BNC2: variants seen among roughly 807,000 people sequenced by gnomAD.
BNC2 encodes the protein zinc finger protein basonuclin-2.
Under a neutral mutation model 76.3 loss-of-function variants are expected in BNC2, and 20 were observed. The observed-to-expected ratio is 0.26, with a 90% CI of 0.18 to 0.38. The LOEUF (loss-of-function observed/expected upper bound fraction) is 0.38, where lower values mean the gene tolerates loss of function less well. Among genes scored for constraint, BNC2 ranks in the 10% least tolerant of loss-of-function variants. The probability of loss-of-function intolerance (pLI) is 1.00; values close to 1 mark genes in which losing one functional copy is unlikely to be tolerated. For synonymous variants in BNC2, 582 were observed against 514.8 expected, an observed-to-expected ratio of 1.13 and a Z score of -1.77; for missense variants, 1,382 against 1,399.8, an observed-to-expected ratio of 0.99 and a Z score of 0.20.
At chr9:16,494,438 A>C (rs1822342863) in intron 5 of BNC2, among the ~76,000 whole-genome samples, 1 of 152,128 alleles carries the variant, frequency 6.6e-6, no homozygotes, top group African/African-American at 2.4e-5. Context: ...GGCATGAGCC[A>C]CCGAGCCCAG....
intron 1 of BNC2, among the ~76,000 whole-genome samples, chr9:16,743,773 C>G (rs185640674): frequency 6.6e-6 from 1 of 152,334 alleles, no homozygotes; most frequent in East Asian, 1.9e-4. Flanking sequence ...GCCAGATGGA[C>G]TGGCTCCTTT....
rs1294966311 is a variant in BNC2 at position 16,415,843 on chromosome 9, G to GT, written c.*3145dup. 2.0e-5 allele frequency: 3 copies of GT among 152,150 alleles called. No individual in the cohort carries two copies. Among genetic ancestry groups the GT allele is most frequent in the Non-Finnish European group, 2.9e-5 (2 of 68,036 alleles). 9.4% of individuals were successfully genotyped at this position (152,150 alleles called of 1,614,324 possible). The stretch of plus-strand genomic sequence containing the variant: ...TTATTTACTCATTTAGAAGGCCACC[G>GT]TAACGACTGGGCACTTGAGGCACAA... On this transcript the variant is annotated 3_prime_UTR_variant, in exon 7 of 7. Coordinates refer to ENST00000380672, the MANE Select transcript of BNC2 (RefSeq NM_017637.6).
chr9:16,456,134 G>C (rs1821443373), intron 5 of BNC2, among the ~76,000 whole-genome samples: 1 of 152,074 alleles, frequency 6.6e-6, no homozygotes, highest in Non-Finnish European at 1.5e-5. Flanking sequence ...AGGACTTAAT[G>C]CCAGTTTAAC....
intron 3 of BNC2, among the ~76,000 whole-genome samples, chr9:16,613,897 G>A (rs998841365): frequency 2.0e-5 from 3 of 152,006 alleles, no homozygotes; most frequent in East Asian, 1.9e-4. Context: ...TAATTGCCTC[G>A]ATGACATCAT....
chr9:16,785,342 G>C (rs1826258201), intron 1 of BNC2, among the ~76,000 whole-genome samples: 1 of 152,152 alleles, frequency 6.6e-6, no homozygotes, highest in Non-Finnish European at 1.5e-5. Flanking sequence ...TGAGGCCACG[G>C]GGAAAGTAAG....
chr9:16,595,597 C>T (rs1012416884), intron 3 of BNC2, among the ~76,000 whole-genome samples: 6 of 152,034 alleles, frequency 3.9e-5, no homozygotes, highest in African/African-American at 1.4e-4. Context: ...GTGGTTTTCT[C>T]AAATTCAAAG....
intron 1 of BNC2, among the ~76,000 whole-genome samples, chr9:16,819,583 G>C (rs1306760075): frequency 6.6e-6 from 1 of 151,998 alleles, no homozygotes; most frequent in Non-Finnish European, 1.5e-5. Flanking sequence ...CTTCAACCCA[G>C]GAGGTGGAGG....
intron 3 of BNC2, among the ~76,000 whole-genome samples, chr9:16,679,304 T>C (rs1822752982): frequency 6.6e-6 from 1 of 152,212 alleles, no homozygotes. Context: ...TAAAAATTCA[T>C]TAAATAATAT....
intron 5 of BNC2, among the ~76,000 whole-genome samples, chr9:16,546,953 G>GGGTGCT (rs1380690209): frequency 1.3e-5 from 2 of 152,208 alleles, no homozygotes; most frequent in Non-Finnish European, 1.5e-5. Flanking sequence ...GTATAAGCCT[G>GGGTGCT]GGTGCTGGTG....
intron 3 of BNC2, among the ~76,000 whole-genome samples, chr9:16,647,937 A>G (rs1821682045): frequency 6.6e-6 from 1 of 152,194 alleles, no homozygotes; most frequent in Non-Finnish European, 1.5e-5. Context: ...TTTATACATT[A>G]ACAAAAATGA....
At chr9:16,716,040 G>C (rs554738890) in intron 3 of BNC2, among the ~76,000 whole-genome samples, 1 of 152,306 alleles carries the variant, frequency 6.6e-6, no homozygotes, top group South Asian at 2.1e-4. Flanking sequence ...GCCTTACAGA[G>C]TGGTTCAACA....
chr9:16,530,008 C>T (rs910897773), intron 5 of BNC2, among the ~76,000 whole-genome samples: 6 of 152,018 alleles, frequency 3.9e-5, no homozygotes, highest in Admixed American at 6.6e-5. Context: ...CCACCATGCC[C>T]AGCTAATTTT....
At position 16,611,010 on chromosome 9, in the gene BNC2, T is replaced by G. The variant is rs76119948; in HGVS notation, c.331-27925A>C. ...TTGGTTTTAGCATGAAAACAATTTA[T>G]GAAATTATAGAAACAGACTGAACAC... On this transcript the variant is annotated intron_variant, in intron 3 of 6. Transcript: ENST00000380672. Among the ~76,000 whole-genome samples, 8 of 152,252 alleles carry G rather than the reference T, an allele frequency of 5.3e-5. 1 individual carries two copies. The highest frequency in any genetic ancestry group is 1.9e-4 in the African/African-American group (8 of 41,570).
intron 1 of BNC2, among the ~76,000 whole-genome samples, chr9:16,765,861 A>ACTGCAAGCT (rs1027903765): frequency 6.0e-5 from 9 of 148,842 alleles, no homozygotes; most frequent in African/African-American, 2.2e-4. Flanking sequence ...ATCTCGGCTC[A>ACTGCAAGCT]CTGCAAGCTC....
At chr9:16,720,947 G>C (rs1271133445) in intron 3 of BNC2, among the ~76,000 whole-genome samples, 1 of 152,306 alleles carries the variant, frequency 6.6e-6, no homozygotes, top group East Asian at 1.9e-4. Context: ...TTTCACCTGA[G>C]GGTTTGAATG....
chr9:16,565,870 A>G (rs2132749733), intron 4 of BNC2, among the ~76,000 whole-genome samples: 1 of 152,140 alleles, frequency 6.6e-6, no homozygotes, highest in Admixed American at 6.5e-5. Context: ...CAAACTGGAT[A>G]TGTGACATGA....
At chr9:16,787,100 G>A (rs1002884996) in intron 1 of BNC2, among the ~76,000 whole-genome samples, 1 of 152,142 alleles carries the variant, frequency 6.6e-6, no homozygotes, top group African/African-American at 2.4e-5. Flanking sequence ...GTAAAGAATG[G>A]AATTAAACAC....
intron 1 of BNC2, among the ~76,000 whole-genome samples, chr9:16,767,510 C>T (rs1825730402): frequency 6.6e-6 from 1 of 151,390 alleles, no homozygotes; most frequent in Admixed American, 6.6e-5. Context: ...GAGATCAATG[C>T]TGAGGACAGA....
intron 3 of BNC2, among the ~76,000 whole-genome samples, chr9:16,600,397 C>A (rs1364905085): frequency 2.0e-5 from 3 of 152,138 alleles, no homozygotes; most frequent in South Asian, 4.1e-4. Context: ...TTGTTTAACA[C>A]TGAGACACAG....
Sources: gnomAD v4.1 joint callset for allele counts (sites outside exome capture counted in the v4.1 genomes callset) on GRCh38, gnomAD v4.1.1 for gene constraint, MANE v1.5 for transcripts, NCBI Gene and HGNC (gene_info 2026-07-23, HGNC 2026-07-21) for gene names.